The following IL1RAPL2 variants were observed in gnomAD, a reference collection of about 807,000 sequenced individuals.
IL1RAPL2 encodes interleukin 1 receptor accessory protein like 2, also known as X-linked interleukin-1 receptor accessory protein-like 2.
A neutral mutation model predicts 44.1 loss-of-function variants in IL1RAPL2; 3 were observed. The observed-to-expected ratio is 0.07, with a 90% CI of 0.03 to 0.18. The LOEUF is 0.18. IL1RAPL2 is among the 10% of genes least tolerant of loss of function. The probability of loss-of-function intolerance (pLI) is 1.00; values close to 1 mark genes in which losing one functional copy is unlikely to be tolerated. For missense variants in IL1RAPL2, 391 were observed against 496.4 expected (o/e 0.79, Z 2.02); for synonymous variants, 181 against 178.8 (o/e 1.01, Z -0.10).
At chrX:105,688,777 CA>C (rs2038008146) in intron 6 of IL1RAPL2, among the ~76,000 whole-genome samples, 1 of 111,670 alleles carries the variant, frequency 9.0e-6, no homozygotes, top group African/African-American at 3.3e-5. Flanking sequence ...CAATCCTAAG[CA>C]AAAAGAACAA....
intron 2 of IL1RAPL2, among the ~76,000 whole-genome samples, chrX:105,033,190 G>A (rs2031546800): frequency 9.0e-6 from 1 of 111,635 alleles, no homozygotes; most frequent in South Asian, 3.8e-4. Flanking sequence ...TTGCCAGTCT[G>A]TGTCTCTTAA....
intron 2 of IL1RAPL2, among the ~76,000 whole-genome samples, chrX:105,076,879 TG>T (rs1228967995): frequency 9.0e-6 from 1 of 111,243 alleles, no homozygotes; most frequent in African/African-American, 3.3e-5. Context: ...TGCCTTTTTT[TG>T]TTTTCCATTT....
chrX:105,307,163 A>G (rs1427975919), intron 5 of IL1RAPL2, among the ~76,000 whole-genome samples: 1 of 107,449 alleles, frequency 9.3e-6, no homozygotes, highest in Non-Finnish European at 1.9e-5. Flanking sequence ...TAATCCAATC[A>G]CTTCCCTCCC....
At chrX:104,947,067 T>A (rs1432376964) in intron 2 of IL1RAPL2, among the ~76,000 whole-genome samples, 1 of 110,095 alleles carries the variant, frequency 9.1e-6, no homozygotes, top group East Asian at 2.9e-4. Context: ...CCACATCCTC[T>A]CCAGCACTTC....
intron 2 of IL1RAPL2, among the ~76,000 whole-genome samples, chrX:105,039,318 G>T (rs1430749942): frequency 8.9e-6 from 1 of 111,782 alleles, no homozygotes; most frequent in African/African-American, 3.2e-5. Context: ...GCAAAGGGAA[G>T]CTTTTCTAAT....
intron 2 of IL1RAPL2, among the ~76,000 whole-genome samples, chrX:104,780,361 C>T (rs1932764172): frequency 8.9e-6 from 1 of 112,058 alleles, no homozygotes; most frequent in Admixed American, 9.5e-5. Flanking sequence ...GGACACAGAT[C>T]AAGCTAGAGT....
At chrX:104,730,468 T>G (rs1359330421) in intron 2 of IL1RAPL2, among the ~76,000 whole-genome samples, 1 of 99,914 alleles carries the variant, frequency 1.0e-5, no homozygotes, top group Non-Finnish European at 2.0e-5. Context: ...TGAGAACATG[T>G]GGTGTTTGGT....
chrX:105,144,007 TAAAC>T lies in IL1RAPL2; in HGVS notation c.83-51464_83-51461del, dbSNP rs1258155890. 2.9e-5 allele frequency among the ~76,000 whole-genome samples: 3 copies of T among 103,648 alleles called. No homozygotes were observed. The Admixed American group carries it at 3.1e-4, about 11-fold the overall frequency. 90.0% of individuals were successfully genotyped at this position (103,648 alleles called of 115,157 possible). A position where few individuals can be genotyped will look rare whatever the true frequency, so the allele number is the denominator to read the frequency against. On this transcript the variant is annotated intron_variant, in intron 2 of 10. Coordinates refer to ENST00000372582, the MANE Select transcript of IL1RAPL2 (RefSeq NM_017416.2). ...AGTATAATAAAACAAAACAAAACAA[TAAAC>T]AAAATAAAAAAAAAATACTTAGGTC...
At chrX:104,914,141 A>T (rs897184978) in intron 2 of IL1RAPL2, among the ~76,000 whole-genome samples, 2 of 111,606 alleles carry the variant, frequency 1.8e-5, no homozygotes, top group Non-Finnish European at 3.8e-5. Context: ...CTGCTGAATC[A>T]CTCTCTGAAG....
chrX:104,841,350 G>T, intron 2 of IL1RAPL2, among the ~76,000 whole-genome samples: 1 of 111,854 alleles, frequency 8.9e-6, no homozygotes. Context: ...TAATTTGCCA[G>T]TCTGTGTCTT....
At chrX:105,612,088 T>TTTTG (rs758633330) in intron 6 of IL1RAPL2, among the ~76,000 whole-genome samples, 38 of 111,014 alleles carry the variant, frequency 3.4e-4, no homozygotes, top group African/African-American at 8.8e-4. Context: ...AAACATTGTT[T>TTTTG]TTTGTTTGTT....
At chrX:104,666,765 C>A (rs771261818) in intron 2 of IL1RAPL2, among the ~76,000 whole-genome samples, 2 of 111,431 alleles carry the variant, frequency 1.8e-5, no homozygotes, top group Non-Finnish European at 3.8e-5. Context: ...TTGCCCTAAA[C>A]GAAGTATGTG....
chrX:105,422,943 G>A (rs1340467509), intron 5 of IL1RAPL2, among the ~76,000 whole-genome samples: 4 of 111,085 alleles, frequency 3.6e-5, no homozygotes, highest in Non-Finnish European at 7.6e-5. Flanking sequence ...ACAATTGTCT[G>A]CAGATGACAA....
intron 2 of IL1RAPL2, among the ~76,000 whole-genome samples, chrX:104,874,898 G>A (rs1316299828): frequency 9.0e-6 from 1 of 111,602 alleles, no homozygotes; most frequent in African/African-American, 3.3e-5. Flanking sequence ...TGATTAACCA[G>A]CAACTTTAGT....
chrX:105,057,606 C>T (rs778217500), intron 2 of IL1RAPL2, among the ~76,000 whole-genome samples: 1 of 110,921 alleles, frequency 9.0e-6, no homozygotes, highest in South Asian at 3.8e-4. Flanking sequence ...TCAGAGTCCC[C>T]TTATAATGAA....
chrX:105,476,881 G>T (rs1417035495), intron 5 of IL1RAPL2, among the ~76,000 whole-genome samples: 1 of 111,926 alleles, frequency 8.9e-6, no homozygotes, highest in Non-Finnish European at 1.9e-5. Context: ...TCTGCAGAAG[G>T]CCACCCTGTT....
At chrX:104,717,256 G>A (rs751542187) in intron 2 of IL1RAPL2, among the ~76,000 whole-genome samples, 10 of 110,370 alleles carry the variant, frequency 9.1e-5, no homozygotes, top group Non-Finnish European at 1.9e-4. Context: ...AGACACATTG[G>A]GGCCTATCAG....
chrX:104,673,016 G>T (rs1231099694), intron 2 of IL1RAPL2, among the ~76,000 whole-genome samples: 1 of 111,338 alleles, frequency 9.0e-6, no homozygotes, highest in Non-Finnish European at 1.9e-5. Flanking sequence ...CAGATGAGTA[G>T]GTTGCAAAAA....
chrX:105,026,049 A>G (rs1002670911), intron 2 of IL1RAPL2, among the ~76,000 whole-genome samples: 3 of 110,894 alleles, frequency 2.7e-5, no homozygotes, highest in African/African-American at 9.8e-5. Flanking sequence ...AATCTGCGGA[A>G]AAGCATTGAT....
Sources: gnomAD v4.1 joint callset for allele counts (sites outside exome capture counted in the v4.1 genomes callset) on GRCh38, gnomAD v4.1.1 for gene constraint, MANE v1.5 for transcripts, NCBI Gene and HGNC (gene_info 2026-07-23, HGNC 2026-07-21) for gene names.